Variants in ADGRD1 observed in about 807,000 individuals in gnomAD.
ADGRD1 encodes the protein adhesion G protein-coupled receptor D1.
Under a neutral mutation model 113.4 loss-of-function variants are expected in ADGRD1, and 77 were observed. The observed-to-expected ratio is 0.68, with a 90% CI of 0.57 to 0.82. ADGRD1 has a LOEUF of 0.82. Ranked by LOEUF, ADGRD1 falls within the 40% of genes least tolerant of loss-of-function variation. ADGRD1 has a pLI of 0.00. For missense variants in ADGRD1, 1,036 were observed against 1,139.1 expected (o/e 0.91, Z 1.30); for synonymous variants, 474 against 475.0 (o/e 1.00, Z 0.03).
intron 20 of ADGRD1, among the ~76,000 whole-genome samples, chr12:131,126,352 A>T (rs1466222561): frequency 6.6e-6 from 1 of 152,166 alleles, no homozygotes; most frequent in African/African-American, 2.4e-5. Flanking sequence ...CCCTTACCAG[A>T]TGCAGGCCCC....
rs1884020144 is a variant in ADGRD1 at position 131,057,981 on chromosome 12, C to T, written c.1474-18820C>T. Among the ~76,000 whole-genome samples, 2 of 152,186 alleles carry T rather than the reference C, an allele frequency of 1.3e-5. No homozygotes were observed. Among genetic ancestry groups the T allele is most frequent in the Non-Finnish European group, 2.9e-5 (2 of 68,018 alleles). On this transcript the variant is annotated intron_variant, in intron 13 of 24. Coordinates refer to ENST00000261654, the MANE Select transcript of ADGRD1 (RefSeq NM_198827.5). This position sits in a 1 kb window ranked among gnomAD's most constrained non-coding sequence, Gnocchi z 4.2. ...TCTATGCACCAGGGAGAATGAGCTT[C>T]TGTTATTTTAACCTTTGTAACTTTA...
At chr12:131,052,605 G>A (rs79337936) in intron 13 of ADGRD1, among the ~76,000 whole-genome samples, 5 of 150,234 alleles carry the variant, frequency 3.3e-5, no homozygotes, top group Non-Finnish European at 7.4e-5. Context: ...TAAAATGCAC[G>A]GATTGGCTTA....
chr12:130,978,233 G>A (rs537610797), intron 4 of ADGRD1: 1 of 152,264 alleles, frequency 6.6e-6, no homozygotes, highest in Non-Finnish European at 1.5e-5. Flanking sequence ...TCCCTGGATG[G>A]TTGTCTGTCT....
At chr12:131,100,850 T>G (rs968480174) in intron 15 of ADGRD1, among the ~76,000 whole-genome samples, 1 of 152,334 alleles carries the variant, frequency 6.6e-6, no homozygotes, top group Admixed American at 6.5e-5. Context: ...TGCAAATAGA[T>G]GAGCTAAAGC....
chr12:130,991,162 G>A, intron 7 of ADGRD1, 84 bp downstream of exon 7: 1 of 1,086,080 alleles, frequency 9.2e-7, no homozygotes, highest in Non-Finnish European at 1.4e-6. Flanking sequence ...ATTCCATTAG[G>A]TGTCTGGGCT....
chr12:131,044,395 T>G (rs552939153), intron 13 of ADGRD1, among the ~76,000 whole-genome samples: 1 of 152,186 alleles, frequency 6.6e-6, no homozygotes, highest in African/African-American at 2.4e-5. Flanking sequence ...AGTTCCCCCC[T>G]TGACAGGAGA....
intron 24 of ADGRD1, 42 bp from the exon 25 acceptor site, chr12:131,139,126 T>C (rs1290136754): frequency 2.0e-6 from 3 of 1,497,764 alleles, no homozygotes; most frequent in Non-Finnish European, 9.3e-7. Context: ...GCTCTCCCCC[T>C]GGGAGCAGGC....
chr12:131,019,052 G>A (rs920520336), intron 13 of ADGRD1, among the ~76,000 whole-genome samples: 5 of 152,198 alleles, frequency 3.3e-5, no homozygotes, highest in African/African-American at 1.2e-4. Flanking sequence ...GCACACTTCA[G>A]AGCCCTGCAC....
At chr12:131,123,056 T>G (rs1205765993) in intron 20 of ADGRD1, among the ~76,000 whole-genome samples, 1,666 of 130,068 alleles carry the variant, frequency 0.013, 25 homozygotes, top group African/African-American at 0.045. Context: ...TTTTTTTTTT[T>G]TTTTTTTTTT....
rs968402786 is a variant in ADGRD1, at chr12:131,096,769, C to G, written c.1672-8062C>G. Among the ~76,000 whole-genome samples, 1 of 152,226 alleles carries G rather than the reference C, an allele frequency of 6.6e-6. No individual in the cohort carries two copies. The highest frequency in any genetic ancestry group is 2.1e-4 in the South Asian group (1 of 4,834). ...TTTACATCGCCACAACTGTTTAAAG[C>G]AGCCATCGTCTGGGGCACAGTGGGG... On this transcript the variant is annotated intron_variant, in intron 15 of 24. Coordinates refer to ENST00000261654, the MANE Select transcript of ADGRD1 (RefSeq NM_198827.5). This position sits in a 1 kb window ranked among gnomAD's most constrained non-coding sequence, Gnocchi z 5.2.
intron 2 of ADGRD1, among the ~76,000 whole-genome samples, chr12:130,964,559 C>T (rs1870792904): frequency 6.6e-6 from 1 of 152,142 alleles, no homozygotes; most frequent in Admixed American, 6.5e-5. Flanking sequence ...GTGGTCGGTG[C>T]CTGTAATCCC....
intron 13 of ADGRD1, among the ~76,000 whole-genome samples, chr12:131,046,778 T>G (rs1426426123): frequency 1.5e-5 from 2 of 131,508 alleles, no homozygotes; most frequent in East Asian, 2.6e-4. Context: ...CCCTCCCTGG[T>G]CAGTGTCCTC....
At chr12:131,009,069 G>A (rs1273931907) in intron 12 of ADGRD1, among the ~76,000 whole-genome samples, 1 of 152,240 alleles carries the variant, frequency 6.6e-6, no homozygotes, top group Non-Finnish European at 1.5e-5. Context: ...GACCTGCAGA[G>A]TCCTAGCTGT....
rs1871329968 is a variant in ADGRD1, at chr12:130,969,132, A to G, written c.188-2326A>G. On this transcript the variant is annotated intron_variant, in intron 3 of 24. Transcript: ENST00000261654. ...CAAGTTTGGATCTACGATGAATTCT[A>G]AGGCCAATTCTGTTTGGTAGTATCT... The G allele has an allele frequency of 5.3e-6, 5 of 951,660 alleles. No individual in the cohort carries two copies. In the Admixed American group the frequency reaches 1.0e-4, roughly 19 times the overall value. The allele number at this position is 951,660 out of a possible 1,614,324, so 59.0% of individuals were successfully genotyped here.
chr12:130,971,668 G>C lies in ADGRD1; in HGVS notation c.310+88G>C. ...TCTGGTGACTGGAAGATGTGAACCTGAGGTTCTCATCAATTGCAGAATGCG... is the reference window on the plus strand; with the variant it reads ...TCTGGTGACTGGAAGATGTGAACCTCAGGTTCTCATCAATTGCAGAATGCG... On this transcript the variant is annotated intron_variant, in intron 4 of 24. Transcript: ENST00000261654. This position sits in a 1 kb window ranked among gnomAD's most constrained non-coding sequence, Gnocchi z 4.2. 2.2e-6 allele frequency: 3 copies of C among 1,378,256 alleles called. No individual in the cohort carries two copies. The highest frequency in any genetic ancestry group is 3.0e-6 in the Non-Finnish European group (3 of 1,010,688). The allele number at this position is 1,378,256 out of a possible 1,614,324, so 85.4% of individuals were successfully genotyped here. A position where few individuals can be genotyped will look rare whatever the true frequency, so the allele number is the denominator to read the frequency against.
chr12:131,000,035 A>C (rs574854218), intron 8 of ADGRD1, among the ~76,000 whole-genome samples: 1 of 152,290 alleles, frequency 6.6e-6, no homozygotes, highest in South Asian at 2.1e-4. Context: ...CCAGCAGGTC[A>C]TGATTTTCCC....
intron 13 of ADGRD1, chr12:131,024,830 G>GCTTC (rs1289527985): frequency 1.3e-5 from 2 of 152,270 alleles, no homozygotes; most frequent in African/African-American, 4.8e-5. Flanking sequence ...AGGGAGCAAT[G>GCTTC]GGAAGGGAGC....
chr12:131,017,907 G>A (rs1225378714), intron 13 of ADGRD1, among the ~76,000 whole-genome samples: 1 of 150,700 alleles, frequency 6.6e-6, no homozygotes, highest in African/African-American at 2.4e-5. Context: ...CACACAACCA[G>A]TGCACACACA....
intron 13 of ADGRD1, among the ~76,000 whole-genome samples, chr12:131,039,293 CTCCAGCT>C (rs1881874668): frequency 6.6e-6 from 1 of 152,264 alleles, no homozygotes; most frequent in Admixed American, 6.5e-5. Context: ...CCCCTGCAGG[CTCCAGCT>C]CAGCCCCCAG....
Sources: gnomAD v4.1 joint callset for allele counts (sites outside exome capture counted in the v4.1 genomes callset) on GRCh38, gnomAD v4.1.1 for gene constraint, Gnocchi (gnomAD v3.1) non-coding constraint, MANE v1.5 for transcripts, NCBI Gene and HGNC (gene_info 2026-07-23, HGNC 2026-07-21) for gene names.